The following CCDC148 variants were observed in gnomAD, a reference collection of about 807,000 sequenced individuals.
CCDC148 encodes coiled-coil domain-containing protein 148.
In CCDC148, 89 loss-of-function variants were observed where a neutral mutation model predicts 85.7. The ratio of observed to expected loss-of-function variants is 1.04; its 90% CI spans 0.87 to 1.24. The LOEUF (loss-of-function observed/expected upper bound fraction) is 1.24. CCDC148 is among the 50% of genes most tolerant of loss of function. The pLI is 0.00. For missense variants in CCDC148, 692 were observed against 671.7 expected, an observed-to-expected ratio of 1.03 and a Z score of -0.33; for synonymous variants, 230 against 213.9, an observed-to-expected ratio of 1.08 and a Z score of -0.66.
chr2:158,219,549 T>C (rs1022243402), intron 11 of CCDC148, among the ~76,000 whole-genome samples: 5 of 152,220 alleles, frequency 3.3e-5, no homozygotes, highest in African/African-American at 1.2e-4. Context: ...GCAGCACATG[T>C]AGGGGACACA....
intron 10 of CCDC148, among the ~76,000 whole-genome samples, chr2:158,221,775 A>C (rs1468300331): frequency 6.6e-6 from 1 of 152,218 alleles, no homozygotes; most frequent in Non-Finnish European, 1.5e-5. Context: ...TTCAATGTTT[A>C]ATGAATAATT....
At chr2:158,268,082 T>C (rs944165133) in intron 9 of CCDC148, among the ~76,000 whole-genome samples, 12 of 152,176 alleles carry the variant, frequency 7.9e-5, no homozygotes, top group African/African-American at 2.4e-4. Context: ...TGTGTGAACA[T>C]AAGTTTTTAT....
intron 1 of CCDC148, among the ~76,000 whole-genome samples, chr2:158,388,415 A>G (rs531480606): frequency 6.6e-6 from 1 of 152,302 alleles, no homozygotes; most frequent in South Asian, 2.1e-4. Context: ...AGAGTGTGGG[A>G]TTCCAAACCC....
intron 1 of CCDC148, among the ~76,000 whole-genome samples, chr2:158,360,926 G>A (rs1683916111): frequency 6.6e-6 from 1 of 151,820 alleles, no homozygotes; most frequent in Admixed American, 6.6e-5. Flanking sequence ...TAAGAACCTT[G>A]AAAAAACTTA....
chr2:158,218,428 G>A (rs1300129443), intron 11 of CCDC148, among the ~76,000 whole-genome samples: 5 of 151,960 alleles, frequency 3.3e-5, no homozygotes, highest in Non-Finnish European at 7.4e-5. Flanking sequence ...TTTTCTTTAT[G>A]TAATGCAGAT....
rs561903719 is a variant in CCDC148, at chr2:158,309,482, G to C, written c.1061C>G (p.Ala354Gly). 93 of 1,614,072 alleles carry C rather than the reference G, an allele frequency of 5.8e-5. No individual in the cohort carries two copies. The South Asian group carries it at 9.8e-4, about 17-fold the overall frequency. The change falls in exon 9 of 14, where the codon GCT (alanine) becomes GGT (glycine). Residue 354 changes from alanine to glycine, a missense_variant. Transcript: ENST00000283233. ...TTCCTGTTGCTTTTTCTTGTCCTTAGCCAACATGCTCTCCATTTCATGTGT... is the reference window on the plus strand; with the variant it reads ...TTCCTGTTGCTTTTTCTTGTCCTTACCCAACATGCTCTCCATTTCATGTGT... ...CATHEMESML[A>G]KDKKKQQELC...
intron 11 of CCDC148, among the ~76,000 whole-genome samples, chr2:158,205,034 C>G (rs926653065): frequency 6.6e-6 from 1 of 152,084 alleles, no homozygotes; most frequent in Non-Finnish European, 1.5e-5. Context: ...ATTAAGGCAT[C>G]TGAACTTTAC....
chr2:158,278,696 C>T (rs929625453), intron 9 of CCDC148, among the ~76,000 whole-genome samples: 1 of 152,268 alleles, frequency 6.6e-6, no homozygotes, highest in African/African-American at 2.4e-5. Context: ...CCTCTGGGGG[C>T]AGGGCACAGA....
intron 1 of CCDC148, chr2:158,447,407 CCTGCCT>C (rs1688205691): frequency 6.6e-6 from 1 of 152,232 alleles, no homozygotes. Context: ...CAGGGATCCT[CCTGCCT>C]CAGCCATCTG....
chr2:158,274,640 A>C (rs1689843444), intron 9 of CCDC148, among the ~76,000 whole-genome samples: 1 of 152,188 alleles, frequency 6.6e-6, no homozygotes, highest in South Asian at 2.1e-4. Context: ...GAGTAAATGA[A>C]ATATTATAGA....
chr2:158,174,790 C>G (rs1011576070), intron 13 of CCDC148, among the ~76,000 whole-genome samples: 1 of 152,014 alleles, frequency 6.6e-6, no homozygotes, highest in African/African-American at 2.4e-5. Context: ...AGAGGAAATG[C>G]ATTGTGCTAT....
chr2:158,230,107 A>G lies in CCDC148; in HGVS notation c.1252-9394T>C, dbSNP rs185071768. ...TAACCCTTACCTATAGTATTAAACC[A>G]TTATTGACTTTGGGACTTTGACATT... On this transcript the variant is annotated intron_variant, in intron 10 of 13. Transcript: ENST00000283233. Among the ~76,000 whole-genome samples, 339 of 152,222 alleles carry G rather than the reference A, an allele frequency of 2.2e-3. 1 individual carries two copies. The highest frequency in any genetic ancestry group is 3.1e-3 in the African/African-American group (130 of 41,546).
chr2:158,381,241 T>C (rs1034349109), intron 1 of CCDC148, among the ~76,000 whole-genome samples: 23 of 152,062 alleles, frequency 1.5e-4, no homozygotes, highest in African/African-American at 5.6e-4. Context: ...AATACATATG[T>C]ATATATTAAA....
At chr2:158,218,945 T>G (rs1268806747) in intron 11 of CCDC148, among the ~76,000 whole-genome samples, 4 of 152,212 alleles carry the variant, frequency 2.6e-5, no homozygotes, top group African/African-American at 9.6e-5. Context: ...TAGGAATGCT[T>G]AGCATCTATT....
Position 158,213,137 on chromosome 2 carries a change from C to G in CCDC148, c.1370+7458G>C, listed in dbSNP as rs182038948. ...GGCTCCCCAAGTGATTCTAATGTAG[C>G]AAAGAATGGAATAACAGCTGCTCTA... On this transcript the variant is annotated intron_variant, in intron 11 of 13. Coordinates refer to ENST00000283233, the MANE Select transcript of CCDC148 (RefSeq NM_138803.4). 2.6e-5 allele frequency among the ~76,000 whole-genome samples: 4 copies of G among 152,224 alleles called. No individual in the cohort carries two copies. The East Asian group carries it at 7.7e-4, about 29-fold the overall frequency.
rs542844299 is a variant in CCDC148 at position 158,209,034 on chromosome 2, T to C, written c.1370+11561A>G. On this transcript the variant is annotated intron_variant, in intron 11 of 13. Transcript: ENST00000283233. ...TAATATCATCTGATGGCTGTATTTA[T>C]GTATGTATATTTATAAATAAACATA... Among the ~76,000 whole-genome samples the C allele has an allele frequency of 5.3e-5, 8 of 152,036 alleles. No homozygotes were observed. In the East Asian group the frequency reaches 7.7e-4, roughly 15 times the overall value.
intron 7 of CCDC148, among the ~76,000 whole-genome samples, chr2:158,332,102 T>G (rs112743171): frequency 0.17 from 25,516 of 151,940 alleles, 3,456 homozygotes; most frequent in African/African-American, 0.38. Context: ...TTCCTAGCCT[T>G]GATGGTCTTT....
chr2:158,383,482 G>A (rs568477938), intron 1 of CCDC148, among the ~76,000 whole-genome samples: 5 of 151,096 alleles, frequency 3.3e-5, no homozygotes, highest in African/African-American at 1.2e-4. Context: ...ACATCAAAAT[G>A]TAGTAGTAGT....
chr2:158,291,021 G>A (rs1231794276), intron 9 of CCDC148, among the ~76,000 whole-genome samples: 3 of 151,632 alleles, frequency 2.0e-5, no homozygotes, highest in African/African-American at 7.3e-5. Context: ...TCACCGAGAC[G>A]ATGGCAATAG....
Sources: gnomAD v4.1 joint callset for allele counts (sites outside exome capture counted in the v4.1 genomes callset) on GRCh38, gnomAD v4.1.1 for gene constraint, MANE v1.5 for transcripts, NCBI Gene and HGNC (gene_info 2026-07-23, HGNC 2026-07-21) for gene names.